SIGLEC15: variants seen among roughly 807,000 people sequenced by gnomAD.
SIGLEC15 encodes sialic acid-binding Ig-like lectin 15.
In SIGLEC15, 31 loss-of-function variants were observed where a neutral mutation model predicts 26.2. The ratio of observed to expected loss-of-function variants is 1.18; its 90% CI spans 0.89 to 1.60. SIGLEC15 has a LOEUF of 1.60. Among genes scored for constraint, SIGLEC15 ranks in the 40% most tolerant of loss-of-function variants. SIGLEC15 has a pLI of 0.00. For missense variants in SIGLEC15, 501 were observed against 488.4 expected, an observed-to-expected ratio of 1.03 and a Z score of -0.24; for synonymous variants, 207 against 221.9, an observed-to-expected ratio of 0.93 and a Z score of 0.60.
chr18:45,832,663 T>C (rs11082490), intron 1 of SIGLEC15, among the ~76,000 whole-genome samples: 30,353 of 152,034 alleles, frequency 0.2, 3,652 homozygotes, highest in Admixed American at 0.34. Flanking sequence ...CCCCTGAAGG[T>C]TGACAGAGAT....
intron 1 of SIGLEC15, chr18:45,829,321 T>C (rs1024514828): frequency 3.8e-5 from 8 of 212,520 alleles, no homozygotes; most frequent in Non-Finnish European, 4.1e-5. Flanking sequence ...CCCGGGAACC[T>C]TCAGGGTCTG....
intron 2 of SIGLEC15, 83 bp downstream of exon 2, chr18:45,837,171 C>A: frequency 6.4e-7 from 1 of 1,573,984 alleles, no homozygotes; most frequent in Non-Finnish European, 8.6e-7. Context: ...TTCCACAGGG[C>A]AGGTTTTGAT....
At chr18:45,829,950 A>G (rs2048219109) in intron 1 of SIGLEC15, among the ~76,000 whole-genome samples, 1 of 152,136 alleles carries the variant, frequency 6.6e-6, no homozygotes. Context: ...CCCTCTGGCC[A>G]TTATTCCACC....
chr18:45,837,048 A>C lies in SIGLEC15; in HGVS notation c.72A>C (p.Lys24Asn). Reference sequence around the variant, plus strand: ...CTGTAGGCTCATTTGTGAGAACTAAAATAGATACTACGGAGAACTTGCTCA... The same window carrying C: ...CTGTAGGCTCATTTGTGAGAACTAACATAGATACTACGGAGAACTTGCTCA... ...VLPTGSFVRT[K>N]IDTTENLLNT... The change falls in exon 2 of 6, where the codon AAA (lysine) becomes AAC (asparagine). Residue 24 changes from lysine to asparagine, a missense_variant. Transcript: ENST00000389474. The C allele has an allele frequency of 1.9e-6, 3 of 1,540,050 alleles. No individual in the cohort carries two copies. The highest frequency in any genetic ancestry group is 2.7e-6 in the Non-Finnish European group (3 of 1,112,876).
chr18:45,837,898 C>T lies in SIGLEC15; in HGVS notation c.34+13C>T, dbSNP rs751115231. ...ACGGCGTCCGGCTGCACGTGACAGG[C>T]GAGGCGGCGTGGGAGCGGGTCCCCG... On this transcript the variant is annotated intron_variant, in intron 3 of 5. Transcript: ENST00000546268. 15 of 1,503,120 alleles carry T rather than the reference C, an allele frequency of 1.0e-5. No homozygotes were observed. The South Asian group carries it at 1.9e-4, about 19-fold the overall frequency. 93.1% of individuals were successfully genotyped at this position (1,503,120 alleles called of 1,614,324 possible).
chr18:45,840,104 C>A, intron 4 of SIGLEC15, 107 bp from the exon 5 acceptor site: 1 of 1,271,890 alleles, frequency 7.9e-7, no homozygotes, highest in Non-Finnish European at 1.1e-6. Flanking sequence ...GCTTCAAAAA[C>A]AGTGGTTTCC....
rs750961639 is a variant in SIGLEC15, at chr18:45,840,209, A to T, written c.875-2A>T. On this transcript the variant is annotated splice_acceptor_variant, in intron 4 of 5. Transcript: ENST00000389474. LOFTEE classifies it high-confidence loss of function. ...CCTGCTCTCTTGCTGTCCCTCCCAC[A>T]GAGCATCTGGACACCCCGGACACCC... 2 of 1,613,256 alleles carry T rather than the reference A, an allele frequency of 1.2e-6. No individual in the cohort carries two copies. The highest frequency in any genetic ancestry group is 1.7e-4 in the Middle Eastern group (1 of 6,056).
intron 1 of SIGLEC15, among the ~76,000 whole-genome samples, chr18:45,830,405 T>C (rs1394795862): frequency 6.6e-6 from 1 of 152,146 alleles, no homozygotes; most frequent in African/African-American, 2.4e-5. Context: ...TGAGAGCTAA[T>C]GCCCGATGCG....
Position 45,837,667 on chromosome 18 carries a change from C to T in SIGLEC15, c.267C>T (p.Gly89=), listed in dbSNP as rs1365654886. The T allele has an allele frequency of 3.3e-6, 5 of 1,495,168 alleles. No homozygotes were observed. The South Asian group carries it at 6.3e-5, about 19-fold the overall frequency. 92.6% of individuals were successfully genotyped at this position (1,495,168 alleles called of 1,614,324 possible). The change falls in exon 3 of 6, where the codon GGC becomes GGT. Residue 89 remains glycine (G), a synonymous_variant. Coordinates refer to ENST00000389474, the MANE Select transcript of SIGLEC15 (RefSeq NM_213602.3). ...GGCGCGCGGGCGAGCCCTATGCGGG[C>T]CCGCAGGTGTTCCGCTGCGCTGCGG... ...AIWRAGEPYA[G]PQVFRCAAAR...
chr18:45,830,586 T>TTTTC, intron 1 of SIGLEC15, among the ~76,000 whole-genome samples: 1 of 126,038 alleles, frequency 7.9e-6, no homozygotes, highest in African/African-American at 3.0e-5. Context: ...TTTCTTTCTT[T>TTTTC]TTTTTTTTTT....
chr18:45,827,120 T>C (rs556748684), intron 1 of SIGLEC15, among the ~76,000 whole-genome samples: 1 of 152,338 alleles, frequency 6.6e-6, no homozygotes, highest in East Asian at 1.9e-4. Context: ...TTTGCCACGT[T>C]GTCCAGCCTG....
At position 45,825,914 on chromosome 18, in the gene SIGLEC15, G is replaced by T; in HGVS notation, c.52+134G>T. On this transcript the variant is annotated intron_variant, in intron 1 of 5. Coordinates refer to ENST00000389474, the MANE Select transcript of SIGLEC15 (RefSeq NM_213602.3). ...AGGCCTGTGGAGGAGGAAGAGCTGC[G>T]CTTGGGGCCTGTGGTGCCAGAAGCC... 5.8e-6 allele frequency: 6 copies of T among 1,038,554 alleles called. No individual in the cohort carries two copies. The South Asian group carries it at 7.2e-5, about 12-fold the overall frequency. The allele number at this position is 1,038,554 out of a possible 1,614,324, so 64.3% of individuals were successfully genotyped here. A position where few individuals can be genotyped will look rare whatever the true frequency, so the allele number is the denominator to read the frequency against.
intron 1 of SIGLEC15, among the ~76,000 whole-genome samples, chr18:45,835,225 G>C (rs1181985206): frequency 1.3e-5 from 2 of 152,294 alleles, no homozygotes; most frequent in East Asian, 3.9e-4. Context: ...AAAACAAAAG[G>C]GAGATAAGCA....
At chr18:45,829,818 G>C (rs183524900) in intron 1 of SIGLEC15, among the ~76,000 whole-genome samples, 4 of 152,066 alleles carry the variant, frequency 2.6e-5, no homozygotes, top group African/African-American at 4.8e-5. Context: ...CTGGAGGCGT[G>C]GTCTTCCTAT....
chr18:45,840,767 GT>G (rs1410192490), intron 5 of SIGLEC15: 1 of 152,832 alleles, frequency 6.5e-6, no homozygotes, highest in Non-Finnish European at 1.5e-5. Context: ...CTGGCAGAGG[GT>G]AGGAGTGGGA....
chr18:45,837,701 A>T lies in SIGLEC15; in HGVS notation c.301A>T (p.Ser101Cys). 1 of 1,480,092 alleles carries T rather than the reference A, an allele frequency of 6.8e-7. No homozygotes were observed. The highest frequency in any genetic ancestry group is 8.9e-7 in the Non-Finnish European group (1 of 1,124,850). 91.7% of individuals were successfully genotyped at this position (1,480,092 alleles called of 1,614,324 possible). A position where few individuals can be genotyped will look rare whatever the true frequency, so the allele number is the denominator to read the frequency against. Residue 101 changes from serine to cysteine, a missense_variant, in exon 3 of 6, where the codon AGC becomes TGC. Ser to Cys is a moderately radical substitution (Grantham distance 112). Coordinates refer to ENST00000389474, the MANE Select transcript of SIGLEC15 (RefSeq NM_213602.3). ...GTTCCGCTGCGCTGCGGCGCGGGGCAGCGAGCTCTGCCAGACGGCGCTGAG... is the reference window on the plus strand; with the variant it reads ...GTTCCGCTGCGCTGCGGCGCGGGGCTGCGAGCTCTGCCAGACGGCGCTGAG... The part of the protein sequence containing the change: ...QVFRCAAARG[S>C]ELCQTALSLH...
At chr18:45,832,316 C>A (rs2048242357) in intron 1 of SIGLEC15, among the ~76,000 whole-genome samples, 1 of 151,390 alleles carries the variant, frequency 6.6e-6, no homozygotes, top group African/African-American at 2.4e-5. Context: ...ACGTGCCAGG[C>A]ACAGATTGGG....
At chr18:45,827,208 G>A (rs1321098710) in intron 1 of SIGLEC15, among the ~76,000 whole-genome samples, 1 of 152,192 alleles carries the variant, frequency 6.6e-6, no homozygotes. Context: ...GAGCCACCAT[G>A]CCCGGCAGAG....
intron 1 of SIGLEC15, among the ~76,000 whole-genome samples, chr18:45,831,687 G>A (rs1390185579): frequency 1.3e-5 from 2 of 152,010 alleles, no homozygotes; most frequent in East Asian, 3.9e-4. Flanking sequence ...TTATACTTCA[G>A]CTGGTCCAAC....
Sources: allele counts gnomAD v4.1 joint callset (sites outside exome capture counted in the v4.1 genomes callset), GRCh38; gene constraint gnomAD v4.1.1; transcripts MANE v1.5; gene names NCBI Gene and HGNC (gene_info 2026-07-23, HGNC 2026-07-21).